The following LHCGR variants were observed in gnomAD, a reference collection of about 807,000 sequenced individuals.
LHCGR encodes lutropin-choriogonadotropic hormone receptor.
LHCGR carries 55 observed loss-of-function variants against 60.7 expected under a neutral mutation model. The observed-to-expected ratio is 0.91, with a 90% CI of 0.73 to 1.13. LHCGR has a LOEUF of 1.13. Among genes scored for constraint, LHCGR ranks in the 50% most tolerant of loss-of-function variants. The probability of loss-of-function intolerance (pLI) is 0.00; values close to 1 mark genes in which losing one functional copy is unlikely to be tolerated. For missense variants in LHCGR, 862 were observed against 836.0 expected (o/e 1.03, Z -0.38); for synonymous variants, 337 against 316.5 (o/e 1.06, Z -0.69).
intron 8 of LHCGR, among the ~76,000 whole-genome samples, chr2:48,705,840 G>A (rs184861492): frequency 6.6e-6 from 1 of 152,042 alleles, no homozygotes; most frequent in African/African-American, 2.4e-5. Context: ...GTCTTGACTC[G>A]TTATCCAATT....
intron 6 of LHCGR, among the ~76,000 whole-genome samples, chr2:48,719,418 A>G (rs1379650207): frequency 6.6e-6 from 1 of 152,006 alleles, no homozygotes; most frequent in Admixed American, 6.6e-5. Flanking sequence ...TCCAGACATC[A>G]CTTCTCTGTA....
Position 48,755,681 on chromosome 2 carries a change from A to G in LHCGR, c.-10T>C, listed in dbSNP as rs1168596232. 6.5e-7 allele frequency: 1 copy of G among 1,534,550 alleles called. No homozygotes were observed. Among genetic ancestry groups the G allele is most frequent in the East Asian group, 2.4e-5 (1 of 40,882 alleles). On this transcript the variant is annotated 5_prime_UTR_variant, in exon 1 of 11. Transcript: ENST00000294954. ...AGAACCGCTGCTTCATGGCCGGCGAACTGGGCTTCTGCGGCTTGCCAGTGT... is the reference window on the plus strand; with the variant it reads ...AGAACCGCTGCTTCATGGCCGGCGAGCTGGGCTTCTGCGGCTTGCCAGTGT...
chr2:48,752,981 C>CGGGGGGGGGGGGGGTGGGGGGGG (rs1670031976), intron 1 of LHCGR, among the ~76,000 whole-genome samples: 1 of 7,634 alleles, frequency 1.3e-4, no homozygotes, highest in Non-Finnish European at 2.6e-4. Flanking sequence ...CGGATTTTGG[C>CGGGGGGGGGGGGGGTGGGGGGGG]GGGGGGGGGG....
intron 9 of LHCGR, 48 bp downstream of exon 9, chr2:48,698,567 A>C (rs769884696): frequency 3.9e-6 from 6 of 1,521,370 alleles, no homozygotes; most frequent in Admixed American, 3.3e-5. Flanking sequence ...TTGAAATCTG[A>C]ATTTCTGCCA....
rs529619544 is a variant in LHCGR, at chr2:48,752,730, T to A, written c.161+2781A>T. ...TACCTCAGGACTCAAAACTTCTTAT[T>A]CTTTCTAAGGTTAATCTTTCCCCCA... On this transcript the variant is annotated intron_variant, in intron 1 of 10. Coordinates refer to ENST00000294954, the MANE Select transcript of LHCGR (RefSeq NM_000233.4). Among the ~76,000 whole-genome samples, 35 of 152,198 alleles carry A rather than the reference T, an allele frequency of 2.3e-4. No homozygotes were observed. The East Asian group carries it at 6.2e-3, about 27-fold the overall frequency.
At chr2:48,691,950 C>G (rs192760414) in intron 10 of LHCGR, among the ~76,000 whole-genome samples, 5 of 151,860 alleles carry the variant, frequency 3.3e-5, no homozygotes, top group Non-Finnish European at 4.4e-5. Context: ...TGTCCAAGGT[C>G]TCTTGGGGAT....
chr2:48,700,623 G>A (rs888843553), intron 8 of LHCGR, among the ~76,000 whole-genome samples: 17 of 152,320 alleles, frequency 1.1e-4, no homozygotes, highest in African/African-American at 4.1e-4. Context: ...TGACCAAGTA[G>A]ATGGCCAGCT....
intron 1 of LHCGR, among the ~76,000 whole-genome samples, chr2:48,746,579 A>C (rs370910831): frequency 1.3e-5 from 2 of 152,216 alleles, no homozygotes; most frequent in South Asian, 2.1e-4. Context: ...ATTCCGCAGC[A>C]CCCAAGATGG....
At chr2:48,719,780 G>A (rs1486009373) in intron 6 of LHCGR, among the ~76,000 whole-genome samples, 1 of 152,172 alleles carries the variant, frequency 6.6e-6, no homozygotes, top group East Asian at 1.9e-4. Flanking sequence ...TCTACAAAAA[G>A]CAAAATCTCA....
chr2:48,694,411 C>T, intron 9 of LHCGR, 107 bp from the exon 10 acceptor site: 2 of 720,686 alleles, frequency 2.8e-6, no homozygotes, highest in African/African-American at 1.7e-5. Flanking sequence ...ACCTATTACA[C>T]CAGCATCTCG....
intron 1 of LHCGR, among the ~76,000 whole-genome samples, chr2:48,738,025 G>A (rs949443473): frequency 4.6e-5 from 7 of 152,282 alleles, no homozygotes; most frequent in African/African-American, 1.4e-4. Flanking sequence ...TGTTCATTTG[G>A]ATGTTTGTCG....
chr2:48,723,475 T>A lies in LHCGR; in HGVS notation c.517A>T (p.Asn173Tyr), dbSNP rs1064796475. Residue 173 changes from asparagine (N) to tyrosine (Y), a missense_variant, in exon 6 of 11, where the codon AAT becomes TAT. Physicochemically the swap from Asn to Tyr is moderately radical, Grantham distance 143. Coordinates refer to ENST00000294954, the MANE Select transcript of LHCGR (RefSeq NM_000233.4). ...TIPGNAFQGMNNESVTLKLYG... is the reference protein window; with the variant it reads ...TIPGNAFQGMYNESVTLKLYG... ...ACTCACAGTGTTACAGATTCATTAT[T>A]CATCCCTTGAAAAGCATTTCCTGGT... 3 of 1,610,900 alleles carry A rather than the reference T, an allele frequency of 1.9e-6. No individual in the cohort carries two copies. In the African/African-American group the frequency reaches 4.0e-5, roughly 22 times the overall value.
intron 1 of LHCGR, among the ~76,000 whole-genome samples, chr2:48,749,786 C>T (rs1669875283): frequency 6.6e-6 from 1 of 151,506 alleles, no homozygotes; most frequent in Non-Finnish European, 1.5e-5. Context: ...GAGCTGGGTC[C>T]AATGCCAAAG....
At position 48,755,694 on chromosome 2, in the gene LHCGR, G is replaced by T. The variant is rs868170796; in HGVS notation, c.-23C>A. 22 of 1,533,952 alleles carry T rather than the reference G, an allele frequency of 1.4e-5. No individual in the cohort carries two copies. The African/African-American group carries it at 1.9e-4, about 13-fold the overall frequency. ...CATGGCCGGCGAACTGGGCTTCTGC[G>T]GCTTGCCAGTGTCTTGGACGGCCTC... is the stretch of plus-strand genomic sequence containing the variant. On this transcript the variant is annotated 5_prime_UTR_variant, in exon 1 of 11. Coordinates refer to ENST00000294954, the MANE Select transcript of LHCGR (RefSeq NM_000233.4).
In LHCGR at chr2:48,687,424, A is replaced by G. The variant is rs886056146; in HGVS notation, c.*273T>C. 2.7e-6 allele frequency: 1 copy of G among 370,184 alleles called. No homozygotes were observed. The highest frequency in any genetic ancestry group is 4.9e-6 in the Non-Finnish European group (1 of 206,182). The allele number at this position is 370,184 out of a possible 1,614,324, so 22.9% of individuals were successfully genotyped here. The stretch of plus-strand genomic sequence containing the variant: ...GCAAAATACCTCCTCAGTTTTTTAA[A>G]AGATTCATCAAACAAAATTACTGTG... On this transcript the variant is annotated 3_prime_UTR_variant, in exon 11 of 11. Transcript: ENST00000294954.
chr2:48,727,309 C>G (rs1310744672), intron 3 of LHCGR, among the ~76,000 whole-genome samples: 1 of 152,002 alleles, frequency 6.6e-6, no homozygotes, highest in Admixed American at 6.6e-5. Flanking sequence ...GGGGCCTGAC[C>G]TTAGCCCAGT....
chr2:48,738,121 TCA>T (rs1669279652), intron 1 of LHCGR, among the ~76,000 whole-genome samples: 1 of 152,202 alleles, frequency 6.6e-6, no homozygotes, highest in Admixed American at 6.5e-5. Flanking sequence ...AGGACATAGC[TCA>T]GTTTCAAAAT....
intron 1 of LHCGR, among the ~76,000 whole-genome samples, chr2:48,734,875 G>T: frequency 6.6e-6 from 1 of 152,206 alleles, no homozygotes; most frequent in East Asian, 1.9e-4. Flanking sequence ...TCAGATGGGT[G>T]GTAAAGAATT....
Position 48,694,261 on chromosome 2 carries a change from A to C in LHCGR, c.910T>G (p.Cys304Gly). Residue 304 changes from cysteine to glycine, a missense_variant, in exon 10 of 11, where the codon TGT (cysteine) becomes GGT (glycine). Coordinates refer to ENST00000294954, the MANE Select transcript of LHCGR (RefSeq NM_000233.4). ...HSISENFSKQ[C>G]ESTVRKVNNK... is the part of the protein sequence containing the mutation. Reference sequence around the variant, plus strand: ...TTCACTTTCCTTACTGTGCTTTCACATTGTTTGGAAAAGTTTTCAGAAATG... The same window carrying C: ...TTCACTTTCCTTACTGTGCTTTCACCTTGTTTGGAAAAGTTTTCAGAAATG... 6.2e-7 allele frequency: 1 copy of C among 1,600,186 alleles called. No individual in the cohort carries two copies. The highest frequency in any genetic ancestry group is 1.3e-5 in the African/African-American group (1 of 74,926).
Sources: allele counts gnomAD v4.1 joint callset (sites outside exome capture counted in the v4.1 genomes callset), GRCh38; gene constraint gnomAD v4.1.1; transcripts MANE v1.5; gene names NCBI Gene and HGNC (gene_info 2026-07-23, HGNC 2026-07-21).